Variants in STRN4 observed in about 807,000 individuals in gnomAD.
The protein encoded by STRN4 is striatin 4, also known as striatin-4.
A neutral mutation model predicts 77.9 loss-of-function variants in STRN4; 27 were observed. The observed-to-expected ratio is 0.35, with a 90% CI of 0.26 to 0.48. STRN4 has a LOEUF of 0.48. STRN4 is among the 20% of genes least tolerant of loss of function. STRN4 has a pLI of 0.99. For missense variants in STRN4, 798 were observed against 1,049.7 expected (o/e 0.76, Z 3.31); for synonymous variants, 466 against 443.1 (o/e 1.05, Z -0.65).
Position 46,733,668 on chromosome 19 carries a change from G to A in STRN4, c.540-432C>T, listed in dbSNP as rs766069127. On this transcript the variant is annotated intron_variant, in intron 4 of 17. Transcript: ENST00000263280. The surrounding 1 kb of genome is among the most constrained non-coding windows in gnomAD (Gnocchi z 4.3). ...TAGAAAAAAACAAAAAGGCGTTAAT[G>A]TGCATAAAGCTTACACCACACGCAA... 17 of 172,650 alleles carry A rather than the reference G, an allele frequency of 9.8e-5. No homozygotes were observed. Among genetic ancestry groups the A allele is most frequent in the Non-Finnish European group, 1.6e-4 (13 of 78,976 alleles). 10.7% of individuals were successfully genotyped at this position (172,650 alleles called of 1,614,324 possible).
chr19:46,734,081 C>T (rs1028838781), intron 4 of STRN4, among the ~76,000 whole-genome samples: 16 of 152,184 alleles, frequency 1.1e-4, no homozygotes, highest in South Asian at 2.1e-4. Context: ...TCATCCTGTG[C>T]GCCTGTGTGT....
Position 46,728,608 on chromosome 19 carries a change from G to T in STRN4, c.1039+10C>A. ...GGCAAGCGGGGGCTGGCCAGAAAAC[G>T]TCAGCTCACCCAGCTCATGGGGGCT... is the stretch of plus-strand genomic sequence containing the variant. On this transcript the variant is annotated intron_variant, in intron 7 of 17. Coordinates refer to ENST00000263280, the MANE Select transcript of STRN4 (RefSeq NM_013403.3). The T allele has an allele frequency of 6.2e-7, 1 of 1,609,484 alleles. No individual in the cohort carries two copies. Among genetic ancestry groups the T allele is most frequent in the Non-Finnish European group, 8.5e-7 (1 of 1,177,516 alleles).
In STRN4 at chr19:46,722,865, C is replaced by T. The variant is rs747506555; in HGVS notation, c.1851G>A (p.Leu617=). Residue 617 remains leucine, a synonymous_variant, in exon 14 of 18, where the codon TTG becomes TTA. Coordinates refer to ENST00000263280, the MANE Select transcript of STRN4 (RefSeq NM_013403.3). ...VASFRSGDTV[L]YDMEVGSALL... Reference sequence around the variant, plus strand: ...GGGCACTGCCAACCTCCATGTCATACAAGACGGTGTCGCCAGAGCGGAAGG... The same window carrying T: ...GGGCACTGCCAACCTCCATGTCATATAAGACGGTGTCGCCAGAGCGGAAGG... 2 of 1,614,008 alleles carry T rather than the reference C, an allele frequency of 1.2e-6. No homozygotes were observed. The highest frequency in any genetic ancestry group is 1.1e-5 in the South Asian group (1 of 91,090).
chr19:46,744,785 G>A lies in STRN4; in HGVS notation c.282+1364C>T, dbSNP rs1398258237. The stretch of plus-strand genomic sequence containing the variant: ...GGGAAAGGTGGGCTGCTACAAGCAG[G>A]TAATGACAATTTCTGCTAATAATAA... On this transcript the variant is annotated intron_variant, in intron 1 of 17. Transcript: ENST00000263280. Among the ~76,000 whole-genome samples, 5 of 151,724 alleles carry A rather than the reference G, an allele frequency of 3.3e-5. No homozygotes were observed. The Admixed American group carries it at 3.3e-4, about 10-fold the overall frequency.
rs142260168 is a variant in STRN4, at chr19:46,730,783, G to A, written c.828C>T (p.Ser276=). The A allele has an allele frequency of 3.1e-5, 50 of 1,612,728 alleles. No individual in the cohort carries two copies. The highest frequency in any genetic ancestry group is 4.5e-5 in the East Asian group (2 of 44,904). ...CGCTGTCCAGCTCATCGTCCTCGTC[G>A]CTGTCTTCGTCCTCGCAGTTCTGCA... ...PFLQNCEDED[S]DEDDELDSVQ... is the part of the protein sequence containing the mutation. The change falls in exon 6 of 18, where the codon AGC becomes AGT. Residue 276 remains serine (S), a synonymous_variant. Coordinates refer to ENST00000263280, the MANE Select transcript of STRN4 (RefSeq NM_013403.3).
intron 6 of STRN4, 67 bp from the exon 7 acceptor site, chr19:46,728,844 C>CTAGGAACA: frequency 6.3e-7 from 1 of 1,586,486 alleles, no homozygotes; most frequent in Non-Finnish European, 8.6e-7. Context: ...ACCTCCGTGC[C>CTAGGAACA]TAGGAACAGG....
chr19:46,728,755 G>T lies in STRN4; in HGVS notation c.902C>A (p.Pro301His). The change falls in exon 7 of 18, where the codon CCC (proline) becomes CAC (histidine). Residue 301 changes from proline (P) to histidine (H), a missense_variant. Around this residue, in one of 2 missense-constraint regions of STRN4, gnomAD observed 511 missense variants for 575.9 expected, o/e 0.89. Transcript: ENST00000263280. ...RVKLPSKALV[P>H]EMEDEDEEDD... is the part of the protein sequence containing the mutation. ...TTCCTCATCCTCGTCTTCCATTTCG[G>T]GCACCAGAGCCTTGGATGGGAGCTG... The T allele has an allele frequency of 1.2e-6, 2 of 1,614,104 alleles. No homozygotes were observed. The highest frequency in any genetic ancestry group is 1.7e-6 in the Non-Finnish European group (2 of 1,179,972).
intron 14 of STRN4, 67 bp from the exon 15 acceptor site, chr19:46,722,407 C>T: frequency 6.6e-7 from 1 of 1,520,962 alleles, no homozygotes; most frequent in Non-Finnish European, 9.1e-7. Context: ...AACAGAGGCA[C>T]AAGCGCAGCG....
chr19:46,733,084 C>T lies in STRN4; in HGVS notation c.692G>A (p.Gly231Asp), dbSNP rs771203964. ...CTGTTTCACCAGCAGCGACTCCCCA[C>T]CACTGAGCCCTGCAGGGCCTGGTGG... ...RAPPGPAGLS[G>D]GESLLVKQIE... The change falls in exon 5 of 18, where the codon GGT becomes GAT. Residue 231 changes from glycine to aspartate, a missense_variant. Physicochemically the swap from Gly to Asp is moderately conservative, Grantham distance 94 (BLOSUM62 -1). This residue lies in a region of STRN4 where 511 missense variants were observed against 575.9 expected (regional missense o/e 0.89). Transcript: ENST00000263280. This position sits in a 1 kb window ranked among gnomAD's most constrained non-coding sequence, Gnocchi z 4.3. 3.7e-6 allele frequency: 6 copies of T among 1,613,628 alleles called. No individual in the cohort carries two copies. Among genetic ancestry groups the T allele is most frequent in the Non-Finnish European group, 3.4e-6 (4 of 1,179,850 alleles).
At chr19:46,740,382 A>T (rs1274676230) in intron 1 of STRN4, 1 of 152,034 alleles carries the variant, frequency 6.6e-6, no homozygotes, top group Admixed American at 6.6e-5. Flanking sequence ...CCTTTTTAAC[A>T]CTTTTTACCA....
chr19:46,724,016 G>A (rs2054042799), intron 12 of STRN4, among the ~76,000 whole-genome samples: 1 of 152,158 alleles, frequency 6.6e-6, no homozygotes, highest in Non-Finnish European at 1.5e-5. Context: ...GGGAGGCCAA[G>A]GTGGGTGGAT....
At chr19:46,742,514 G>A (rs956943833) in intron 1 of STRN4, among the ~76,000 whole-genome samples, 1 of 152,150 alleles carries the variant, frequency 6.6e-6, no homozygotes, top group African/African-American at 2.4e-5. Flanking sequence ...CCGCTGATGG[G>A]AGAGTAAACT....
intron 16 of STRN4, 34 bp from the exon 17 acceptor site, chr19:46,720,805 CTG>C (rs2053959671): frequency 6.6e-7 from 1 of 1,516,362 alleles, no homozygotes; most frequent in African/African-American, 1.4e-5. Context: ...GGGGTGGTCA[CTG>C]GGCTCCTCGC....
rs796501309 is a variant in STRN4 at position 46,724,708 on chromosome 19, C to G, written c.1594+99G>C. The G allele has an allele frequency of 5.0e-5, 78 of 1,558,022 alleles. No individual in the cohort carries two copies. The African/African-American group carries it at 9.6e-4, about 19-fold the overall frequency. ...GAGCCGTCACACGCACTCCTGAGGC[C>G]TGCAGTGTTGGCAAGAGGTGGACGC... On this transcript the variant is annotated intron_variant, in intron 12 of 17. Transcript: ENST00000263280.
intron 4 of STRN4, among the ~76,000 whole-genome samples, chr19:46,735,528 G>A (rs969682146): frequency 4.6e-5 from 7 of 152,010 alleles, no homozygotes; most frequent in Non-Finnish European, 8.8e-5. Flanking sequence ...ACACAGCCAC[G>A]GAAGAAACTG....
intron 16 of STRN4, 124 bp downstream of exon 16, chr19:46,721,862 C>T: frequency 2.9e-6 from 3 of 1,021,004 alleles, no homozygotes; most frequent in East Asian, 2.4e-5. Flanking sequence ...ACGGTCATTC[C>T]CGCCCAGACC....
Position 46,725,280 on chromosome 19 carries a change from G to C in STRN4, c.1472+52C>G, listed in dbSNP as rs201424751. 6.2e-6 allele frequency: 10 copies of C among 1,612,866 alleles called. No individual in the cohort carries two copies. The Admixed American group carries it at 6.7e-5, about 11-fold the overall frequency. On this transcript the variant is annotated intron_variant, in intron 11 of 17. Coordinates refer to ENST00000263280, the MANE Select transcript of STRN4 (RefSeq NM_013403.3). ...CGCGATGGCAGTGAGCAGGTCAGGA[G>C]TCAGGCTGCATTTAGGACGAGTTTC...
At chr19:46,732,746 G>A in intron 5 of STRN4, 1 of 398,726 alleles carries the variant, frequency 2.5e-6, no homozygotes, top group Non-Finnish European at 4.6e-6. Context: ...AGGCACCCAG[G>A]GTGTGCCTTC....
intron 6 of STRN4, among the ~76,000 whole-genome samples, chr19:46,729,431 A>G (rs1209367881): frequency 6.6e-6 from 1 of 152,168 alleles, no homozygotes; most frequent in African/African-American, 2.4e-5. Flanking sequence ...TCAGCCCCCC[A>G]GGCTGAGTTT....
Sources: allele counts gnomAD v4.1 joint callset (sites outside exome capture counted in the v4.1 genomes callset), GRCh38; gene constraint gnomAD v4.1.1; regional missense constraint gnomAD v4.1.1; non-coding constraint Gnocchi (gnomAD v3.1); transcripts MANE v1.5; gene names NCBI Gene and HGNC (gene_info 2026-07-23, HGNC 2026-07-21).